TMC7: variants seen among roughly 807,000 people sequenced by gnomAD.
TMC7 encodes the protein transmembrane channel-like protein 7.
In TMC7, 54 loss-of-function variants were observed where a neutral mutation model predicts 82.9. The observed-to-expected ratio is 0.65, with a 90% CI of 0.52 to 0.82. The LOEUF (loss-of-function observed/expected upper bound fraction) is 0.82. Ranked by LOEUF, TMC7 falls within the 40% of genes least tolerant of loss-of-function variation. The pLI is 0.00. For synonymous variants in TMC7, 350 were observed against 337.9 expected (o/e 1.04, Z -0.39); for missense variants, 820 against 901.2 (o/e 0.91, Z 1.15).
At chr16:19,042,168 C>T (rs12918623) in intron 9 of TMC7, among the ~76,000 whole-genome samples, 46,668 of 151,800 alleles carry the variant, frequency 0.31, 7,449 homozygotes, top group Non-Finnish European at 0.34. Context: ...GCTCTTTCCC[C>T]CATTCTTTTC....
chr16:18,989,669 C>A (rs1596711244), intron 1 of TMC7, among the ~76,000 whole-genome samples: 1 of 150,432 alleles, frequency 6.6e-6, no homozygotes, highest in East Asian at 1.9e-4. Context: ...CATGGAGCTT[C>A]TAGTCAAGCG....
chr16:19,005,124 T>C (rs533677140), intron 1 of TMC7, among the ~76,000 whole-genome samples: 3 of 152,156 alleles, frequency 2.0e-5, no homozygotes, highest in Admixed American at 2.0e-4. Context: ...AGTCTCGCTC[T>C]GTCGCCCAGG....
intron 12 of TMC7, among the ~76,000 whole-genome samples, chr16:19,048,152 T>A (rs979502213): frequency 2.6e-5 from 4 of 151,422 alleles, no homozygotes; most frequent in African/African-American, 4.9e-5. Flanking sequence ...TTTTTTTTTT[T>A]AAATTAGAGA....
In TMC7 at chr16:19,030,311, G is replaced by C. The variant is rs763987902; in HGVS notation, c.799G>C (p.Ala267Pro). The C allele has an allele frequency of 6.2e-7, 1 of 1,613,708 alleles. No homozygotes were observed. The highest frequency in any genetic ancestry group is 1.1e-5 in the South Asian group (1 of 91,028). Residue 267 changes from alanine to proline, a missense_variant, in exon 6 of 16, where the codon GCG becomes CCG. Ala to Pro is a conservative substitution (Grantham distance 27). Transcript: ENST00000304381. The stretch of plus-strand genomic sequence containing the variant: ...GAACTTCACCTATGATCTGCCCCTG[G>C]CGTATTTGTTAAGCACAATCGCCTC... ...FQNFTYDLPLAYLLSTIASLA... is the reference protein window; with the variant it reads ...FQNFTYDLPLPYLLSTIASLA...
intron 4 of TMC7, among the ~76,000 whole-genome samples, chr16:19,022,775 TC>T (rs1364688283): frequency 2.0e-5 from 3 of 152,184 alleles, no homozygotes; most frequent in African/African-American, 7.2e-5. Flanking sequence ...ACGCCTGTAA[TC>T]CCAGCACTTT....
chr16:19,032,317 A>G (rs1463334752), intron 6 of TMC7, among the ~76,000 whole-genome samples: 2 of 152,186 alleles, frequency 1.3e-5, no homozygotes, highest in Non-Finnish European at 2.9e-5. Context: ...AATCTGTGAG[A>G]TGAACGTGAA....
At chr16:19,027,862 GAC>G (rs150866708) in intron 5 of TMC7, among the ~76,000 whole-genome samples, 45 of 151,130 alleles carry the variant, frequency 3.0e-4, no homozygotes, top group African/African-American at 1.1e-3. Context: ...GTTTTAAGAA[GAC>G]ACACACACAC....
At chr16:19,013,155 G>A (rs61351865) in intron 2 of TMC7, among the ~76,000 whole-genome samples, 7,627 of 151,806 alleles carry the variant, frequency 0.05, 239 homozygotes, top group South Asian at 0.14. Context: ...GTTATTCTAA[G>A]CTCTTTATTT....
At chr16:19,016,843 T>C (rs900229987) in intron 3 of TMC7, among the ~76,000 whole-genome samples, 9 of 152,200 alleles carry the variant, frequency 5.9e-5, no homozygotes, top group African/African-American at 1.9e-4. Context: ...CCATGAATAC[T>C]TGGAAATTTC....
At chr16:19,040,233 T>G in intron 8 of TMC7, 56 bp from the exon 9 acceptor site, 1 of 1,521,240 alleles carries the variant, frequency 6.6e-7, no homozygotes, top group Non-Finnish European at 8.9e-7. Context: ...GTTCTATCTA[T>G]TTGTGGTGTA....
Position 18,984,139 on chromosome 16 carries a change from G to A in TMC7, c.67+9G>A. ...GCCGGCGGTCCATCCAGGTAGGGCGGCAGGGAGCGCGCGCGGGGACGGTGC... is the reference window on the plus strand; with the variant it reads ...GCCGGCGGTCCATCCAGGTAGGGCGACAGGGAGCGCGCGCGGGGACGGTGC... On this transcript the variant is annotated intron_variant, in intron 1 of 15. Coordinates refer to ENST00000304381, the MANE Select transcript of TMC7 (RefSeq NM_024847.4). 2 of 1,492,706 alleles carry A rather than the reference G, an allele frequency of 1.3e-6. No homozygotes were observed. Among genetic ancestry groups the A allele is most frequent in the South Asian group, 1.3e-5 (1 of 79,312 alleles). The allele number at this position is 1,492,706 out of a possible 1,614,324, so 92.5% of individuals were successfully genotyped here.
At chr16:19,055,449 C>T (rs1415205933) in intron 13 of TMC7, among the ~76,000 whole-genome samples, 1 of 152,144 alleles carries the variant, frequency 6.6e-6, no homozygotes, top group Non-Finnish European at 1.5e-5. Context: ...TCTCCACTTC[C>T]TGGGTTCAAG....
At position 19,062,463 on chromosome 16, in the gene TMC7, A is replaced by T. The variant is rs1398089847; in HGVS notation, c.*620A>T. The T allele has an allele frequency of 6.6e-6, 1 of 152,266 alleles. No homozygotes were observed. 9.4% of individuals were successfully genotyped at this position (152,266 alleles called of 1,614,324 possible). On this transcript the variant is annotated 3_prime_UTR_variant, in exon 16 of 16. Coordinates refer to ENST00000304381, the MANE Select transcript of TMC7 (RefSeq NM_024847.4). ...ACCAACGTGGAGAAACTCCGTCTCC[A>T]CTAAAATACAAAATTAGCTGGGTGT...
Position 19,037,980 on chromosome 16 carries a change from C to A in TMC7, c.1112C>A (p.Ala371Asp), listed in dbSNP as rs1254591388. The change falls in exon 8 of 16, where the codon GCT (alanine) becomes GAT (aspartate). Residue 371 changes from alanine (A) to aspartate (D), a missense_variant. Ala to Asp is a moderately radical substitution (Grantham distance 126, BLOSUM62 -2). Transcript: ENST00000304381. Reference protein sequence around the residue: ...LRLFLNCIVLAVLGACFYAIY... With the variant: ...LRLFLNCIVLDVLGACFYAIY... ...CTGTTTTTGAACTGTATTGTTCTGG[C>A]TGTTTTAGGGGCATGCTTTTATGCA... 6.2e-7 allele frequency: 1 copy of A among 1,614,036 alleles called. No individual in the cohort carries two copies. The highest frequency in any genetic ancestry group is 1.7e-5 in the Admixed American group (1 of 59,990).
intron 1 of TMC7, among the ~76,000 whole-genome samples, chr16:19,008,000 G>A (rs543728945): frequency 6.6e-6 from 1 of 152,178 alleles, no homozygotes; most frequent in African/African-American, 2.4e-5. Flanking sequence ...GAAAGGTTAA[G>A]TAACTTTCAC....
chr16:19,057,132 C>A (rs1961813807), intron 14 of TMC7, among the ~76,000 whole-genome samples: 3 of 152,058 alleles, frequency 2.0e-5, no homozygotes, highest in African/African-American at 7.2e-5. Flanking sequence ...GAATAAGACC[C>A]TGTCTCAAAA....
chr16:19,015,839 G>C (rs1048423805), intron 2 of TMC7, among the ~76,000 whole-genome samples: 1 of 151,992 alleles, frequency 6.6e-6, no homozygotes, highest in Non-Finnish European at 1.5e-5. Context: ...GCCTCCCAAA[G>C]TGCTTGGATT....
At chr16:19,041,406 C>T (rs1054398541) in intron 9 of TMC7, among the ~76,000 whole-genome samples, 1 of 151,710 alleles carries the variant, frequency 6.6e-6, no homozygotes, top group East Asian at 1.9e-4. Flanking sequence ...TGCTCCGTTG[C>T]TCAGGCTGGA....
Position 19,047,113 on chromosome 16 carries a change from A to T in TMC7, c.1604A>T (p.Gln535Leu). The T allele has an allele frequency of 6.2e-7, 1 of 1,614,024 alleles. No homozygotes were observed. The highest frequency in any genetic ancestry group is 8.5e-7 in the Non-Finnish European group (1 of 1,179,992). ...SSCKLIQCWG[Q>L]QEFAIPDNVL... ...TGCAAGCTGATTCAGTGCTGGGGGC[A>T]GCAGGAGTTTGCCATTCCTGATAAC... The change falls in exon 12 of 16, where the codon CAG (glutamine) becomes CTG (leucine). Residue 535 changes from glutamine (Q) to leucine (L), a missense_variant. Transcript: ENST00000304381.
Sources: allele counts gnomAD v4.1 joint callset (sites outside exome capture counted in the v4.1 genomes callset), GRCh38; gene constraint gnomAD v4.1.1; transcripts MANE v1.5; gene names NCBI Gene and HGNC (gene_info 2026-07-23, HGNC 2026-07-21).